RPS6KA2: variants seen among roughly 807,000 people sequenced by gnomAD.
RPS6KA2 encodes the protein ribosomal protein S6 kinase A2.
RPS6KA2 carries 42 observed loss-of-function variants against 91.8 expected under a neutral mutation model. The observed-to-expected ratio is 0.46, with a 90% confidence interval of 0.36 to 0.59. The LOEUF (loss-of-function observed/expected upper bound fraction) is 0.59. RPS6KA2 is among the 20% of genes least tolerant of loss of function. RPS6KA2 has a pLI of 0.00. For missense variants in RPS6KA2, 798 were observed against 978.5 expected (o/e 0.82, Z 2.46); for synonymous variants, 414 against 393.6 (o/e 1.05, Z -0.61).
At chr6:166,636,939 C>T (rs1428000387) in intron 2 of RPS6KA2, among the ~76,000 whole-genome samples, 4 of 152,202 alleles carry the variant, frequency 2.6e-5, no homozygotes, top group Non-Finnish European at 5.9e-5. Context: ...TGTTCCAAAA[C>T]CCTGACACTG....
intron 1 of RPS6KA2, among the ~76,000 whole-genome samples, chr6:166,549,441 G>A (rs1783929556): frequency 6.7e-6 from 1 of 150,144 alleles, no homozygotes; most frequent in African/African-American, 2.5e-5. Flanking sequence ...ACAAGCTGCA[G>A]TACATCACAT....
At chr6:166,780,865 A>G (rs1383539221) in intron 2 of RPS6KA2, among the ~76,000 whole-genome samples, 1 of 152,234 alleles carries the variant, frequency 6.6e-6, no homozygotes, top group Non-Finnish European at 1.5e-5. Flanking sequence ...CTTTTAAAAA[A>G]TATCTTGTAA....
rs374227226 is a variant in RPS6KA2, at chr6:166,640,707, TAAG to T, written c.124-101926_124-101924del. 3.6e-3 allele frequency among the ~76,000 whole-genome samples: 545 copies of T among 151,912 alleles called. 2 individuals carry two copies. Among genetic ancestry groups the T allele is most frequent in the African/African-American group, 0.013 (528 of 41,408 alleles). ...GAATAAACGCAGGCAAAAATGAGGA[TAAG>T]GAGATATTGTGAGGTCGAGCACTGT... is the stretch of plus-strand genomic sequence containing the variant. On this transcript the variant is annotated intron_variant, in intron 2 of 21. Coordinates refer to the RPS6KA2 transcript ENST00000503859.
intron 2 of RPS6KA2, among the ~76,000 whole-genome samples, chr6:166,743,353 G>A (rs1008826883): frequency 3.9e-5 from 6 of 152,186 alleles, no homozygotes; most frequent in Admixed American, 1.3e-4. Flanking sequence ...CACTGCCCTC[G>A]TGAACATGCC....
rs150336197 is a variant in RPS6KA2, at chr6:166,495,792, A to G, written c.747+2716T>C. On this transcript the variant is annotated intron_variant, in intron 8 of 20. Transcript: ENST00000265678. The surrounding 1 kb of genome is among the most constrained non-coding windows in gnomAD (Gnocchi z 4.4). ...GGCAAGCCAGGAGTGCTGAGAAGAC[A>G]CCGAAGCCAGAGCCACCAGCCAGAG... 3.0e-4 allele frequency among the ~76,000 whole-genome samples: 45 copies of G among 152,306 alleles called. 1 individual carries two copies. Among genetic ancestry groups the G allele is most frequent in the African/African-American group, 9.9e-4 (41 of 41,556 alleles).
intron 10 of RPS6KA2, among the ~76,000 whole-genome samples, chr6:166,471,635 A>G (rs926448360): frequency 3.3e-5 from 5 of 152,372 alleles, no homozygotes; most frequent in African/African-American, 1.2e-4. Context: ...GACATAGCAC[A>G]CGGACATCTC....
chr6:166,586,786 C>T (rs1356423121), intron 1 of RPS6KA2, among the ~76,000 whole-genome samples: 2 of 152,220 alleles, frequency 1.3e-5, no homozygotes, highest in African/African-American at 4.8e-5. Flanking sequence ...AGGTAACACA[C>T]ATCAGTTATA....
intron 2 of RPS6KA2, among the ~76,000 whole-genome samples, chr6:166,772,668 T>C (rs1778507732): frequency 6.6e-6 from 1 of 152,186 alleles, no homozygotes; most frequent in Non-Finnish European, 1.5e-5. Context: ...CTCCATGACC[T>C]ACTCTCAGGG....
intron 2 of RPS6KA2, among the ~76,000 whole-genome samples, chr6:166,745,031 T>C (rs74921072): frequency 0.05 from 7,593 of 152,178 alleles, 522 homozygotes; most frequent in African/African-American, 0.14. Flanking sequence ...GAAGTAGAGA[T>C]GAGGATGTTG....
At chr6:166,698,346 CT>C (rs1174531485) in intron 2 of RPS6KA2, among the ~76,000 whole-genome samples, 1 of 152,132 alleles carries the variant, frequency 6.6e-6, no homozygotes, top group African/African-American at 2.4e-5. Context: ...TAAAAAACTT[CT>C]GTCTGGTGGG....
chr6:166,534,311 C>T (rs111785084), intron 2 of RPS6KA2, among the ~76,000 whole-genome samples: 7,784 of 151,308 alleles, frequency 0.051, 661 homozygotes, highest in African/African-American at 0.18. Flanking sequence ...GCCCAGCTAT[C>T]CGGGAGGCTG....
At chr6:166,759,942 A>G (rs78997370) in intron 2 of RPS6KA2, among the ~76,000 whole-genome samples, 1,777 of 152,276 alleles carry the variant, frequency 0.012, 39 homozygotes, top group African/African-American at 0.039. Flanking sequence ...AATATAAAAT[A>G]TTTTCCTGAA....
intron 2 of RPS6KA2, among the ~76,000 whole-genome samples, chr6:166,854,151 T>C (rs535315540): frequency 6.6e-6 from 1 of 152,294 alleles, no homozygotes; most frequent in East Asian, 1.9e-4. Flanking sequence ...CTCCCCCACA[T>C]CACTACTGCC....
intron 2 of RPS6KA2, among the ~76,000 whole-genome samples, chr6:166,765,868 A>T (rs572554697): frequency 6.6e-6 from 1 of 152,250 alleles, no homozygotes; most frequent in Non-Finnish European, 1.5e-5. Flanking sequence ...GCACTCAGCG[A>T]CTACCAGCTT....
intron 11 of RPS6KA2, among the ~76,000 whole-genome samples, chr6:166,465,089 T>C (rs567443900): frequency 6.6e-6 from 1 of 152,174 alleles, no homozygotes; most frequent in Non-Finnish European, 1.5e-5. Context: ...ATTTTCCCAG[T>C]TGGATCCTGA....
intron 2 of RPS6KA2, among the ~76,000 whole-genome samples, chr6:166,843,211 A>C (rs1216688537): frequency 6.6e-6 from 1 of 152,144 alleles, no homozygotes; most frequent in East Asian, 1.9e-4. Flanking sequence ...CCCCCACAGC[A>C]GCCACACCAA....
chr6:166,784,908 T>G lies in RPS6KA2; in HGVS notation c.123+73292A>C, dbSNP rs573987336. The stretch of plus-strand genomic sequence containing the variant: ...TGAATAATCCCTGTTTGCCTCACTT[T>G]GCATGTGCTTCCTGGCTTCTGTTGT... On this transcript the variant is annotated intron_variant, in intron 2 of 21. Coordinates refer to the RPS6KA2 transcript ENST00000503859. 2.0e-5 allele frequency among the ~76,000 whole-genome samples: 3 copies of G among 152,374 alleles called. No individual in the cohort carries two copies. The South Asian group carries it at 6.2e-4, about 32-fold the overall frequency.
chr6:166,511,621 T>C (rs924921546), intron 3 of RPS6KA2, among the ~76,000 whole-genome samples: 2 of 152,148 alleles, frequency 1.3e-5, no homozygotes, highest in African/African-American at 4.8e-5. Context: ...CACAGCCCCA[T>C]GAGCGATGGG....
intron 10 of RPS6KA2, among the ~76,000 whole-genome samples, chr6:166,479,043 C>T (rs367916797): frequency 5.9e-5 from 9 of 152,318 alleles, no homozygotes; most frequent in South Asian, 2.1e-4. Context: ...CTCTCCCACA[C>T]GCTCCCCTCT....
Sources: allele counts gnomAD v4.1 joint callset (sites outside exome capture counted in the v4.1 genomes callset), GRCh38; gene constraint gnomAD v4.1.1; non-coding constraint Gnocchi (gnomAD v3.1); transcripts MANE v1.5; gene names NCBI Gene and HGNC (gene_info 2026-07-23, HGNC 2026-07-21).